The following RXRA variants were observed in gnomAD, a reference collection of about 807,000 sequenced individuals.
The protein encoded by RXRA is retinoid X receptor alpha.
RXRA carries 5 observed loss-of-function variants against 44.5 expected under a neutral mutation model. The observed-to-expected ratio is 0.11, with a 90% CI of 0.06 to 0.24. The LOEUF is 0.24. RXRA is among the 10% of genes least tolerant of loss of function. RXRA has a pLI of 1.00. For synonymous variants in RXRA, 291 were observed against 271.4 expected (o/e 1.07, Z -0.71); for missense variants, 412 against 646.5 (o/e 0.64, Z 3.93).
chr9:134,336,042 C>T (rs1829997290), intron 1 of RXRA, among the ~76,000 whole-genome samples: 1 of 152,124 alleles, frequency 6.6e-6, no homozygotes, highest in Non-Finnish European at 1.5e-5. Context: ...TGGAGCTGCC[C>T]CTACCCCACC....
At position 134,365,806 on chromosome 9, in the gene RXRA, C is replaced by A. The variant is rs540255218; in HGVS notation, c.29-35826C>A. Among the ~76,000 whole-genome samples the A allele has an allele frequency of 2.6e-5, 4 of 151,942 alleles. No homozygotes were observed. In the South Asian group the frequency reaches 8.3e-4, roughly 32 times the overall value. ...GGAAGGGAGGGCCAGCCCAGAAGGACCCTCCCATTACCCTCTGGTGGCTTG... is the reference window on the plus strand; with the variant it reads ...GGAAGGGAGGGCCAGCCCAGAAGGAACCTCCCATTACCCTCTGGTGGCTTG... On this transcript the variant is annotated intron_variant, in intron 1 of 9. Transcript: ENST00000481739. This position sits in a 1 kb window ranked among gnomAD's most constrained non-coding sequence, Gnocchi z 4.0.
At chr9:134,430,225 C>T (rs1027922400) in intron 7 of RXRA, among the ~76,000 whole-genome samples, 1 of 152,250 alleles carries the variant, frequency 6.6e-6, no homozygotes, top group Admixed American at 6.5e-5. Context: ...GAGAGCCACA[C>T]ACACCAGACT....
intron 6 of RXRA, chr9:134,423,777 G>A: frequency 2.0e-6 from 2 of 985,422 alleles, no homozygotes; most frequent in Non-Finnish European, 2.4e-6. Context: ...CAGAACCCTC[G>A]GTTCAGAGCC....
In RXRA at chr9:134,365,170, A is replaced by G. The variant is rs1318777202; in HGVS notation, c.29-36462A>G. 6.6e-6 allele frequency among the ~76,000 whole-genome samples: 1 copy of G among 152,196 alleles called. No individual in the cohort carries two copies. The highest frequency in any genetic ancestry group is 6.5e-5 in the Admixed American group (1 of 15,292). ...CGGCTGTTGCTGGAGGGCTGATGGC[A>G]CGCTGGGCCCGGGAAAGCCCCTCGT... On this transcript the variant is annotated intron_variant, in intron 1 of 9. Transcript: ENST00000481739. The surrounding 1 kb of genome is among the most constrained non-coding windows in gnomAD (Gnocchi z 4.0).
rs371527375 is a variant in RXRA, at chr9:134,417,107, A to T, written c.611-51A>T. The T allele has an allele frequency of 4.1e-5, 64 of 1,563,122 alleles. No individual in the cohort carries two copies. The highest frequency in any genetic ancestry group is 1.7e-4 in the Middle Eastern group (1 of 5,744). On this transcript the variant is annotated intron_variant, in intron 4 of 9. Transcript: ENST00000481739. This position sits in a 1 kb window ranked among gnomAD's most constrained non-coding sequence, Gnocchi z 6.1. ...CCCGGCCAGGACAGCCTTCCCTGGG[A>T]GCCACTGGCCGGGCTGAGCGTGGGG...
At position 134,354,067 on chromosome 9, in the gene RXRA, C is replaced by G. The variant is rs113996503; in HGVS notation, c.28+27408C>G. On this transcript the variant is annotated intron_variant, in intron 1 of 9. Coordinates refer to ENST00000481739, the MANE Select transcript of RXRA (RefSeq NM_002957.6). ...CTTCACTGTTGCCACCATAAAATAA[C>G]ACTTAGGTCCATGCCTGGGAAAGCC... Among the ~76,000 whole-genome samples the G allele has an allele frequency of 9.3e-3, 1,422 of 152,276 alleles. 23 individuals are homozygous for G. Among genetic ancestry groups the G allele is most frequent in the African/African-American group, 0.033 (1,357 of 41,542 alleles).
intron 1 of RXRA, among the ~76,000 whole-genome samples, chr9:134,359,782 CCT>C (rs34841964): frequency 0.062 from 9,431 of 152,240 alleles, 969 homozygotes; most frequent in African/African-American, 0.21. Flanking sequence ...AAGGATGTGG[CCT>C]GTCTGTCCTG....
intron 6 of RXRA, chr9:134,424,178 G>A (rs1215141212): frequency 2.0e-6 from 2 of 985,266 alleles, no homozygotes; most frequent in East Asian, 2.3e-4. Context: ...TCCCTCTTAG[G>A]TGGGCACCTG....
At chr9:134,359,037 G>T (rs1048356411) in intron 1 of RXRA, among the ~76,000 whole-genome samples, 11 of 152,214 alleles carry the variant, frequency 7.2e-5, no homozygotes, top group Non-Finnish European at 5.9e-5. Flanking sequence ...AACAGCTGCT[G>T]GGGGCTGCCG....
At chr9:134,333,017 C>T (rs1331485502) in intron 1 of RXRA, among the ~76,000 whole-genome samples, 9 of 152,222 alleles carry the variant, frequency 5.9e-5, no homozygotes, top group South Asian at 4.1e-4. Context: ...GCCCTGGCTC[C>T]GGCCCCCCCT....
chr9:134,411,108 G>C (rs962234827), intron 4 of RXRA, among the ~76,000 whole-genome samples: 1 of 152,188 alleles, frequency 6.6e-6, no homozygotes, highest in African/African-American at 2.4e-5. Flanking sequence ...AGCAGTGTCC[G>C]TGAAGTCTGA....
intron 1 of RXRA, chr9:134,379,912 G>A: frequency 1.0e-6 from 1 of 985,322 alleles, no homozygotes; most frequent in Non-Finnish European, 1.2e-6. Flanking sequence ...CTGGAGGCCT[G>A]CTGGTCTCTG....
rs894108179 is a variant in RXRA, at chr9:134,377,783, G to A, written c.29-23849G>A. On this transcript the variant is annotated intron_variant, in intron 1 of 9. Transcript: ENST00000481739. ...GTGCGTTTTGATCTGTCATACCCTC[G>A]TGCTCTGCAGACCAGCTTCTGTCCC... Among the ~76,000 whole-genome samples the A allele has an allele frequency of 2.6e-5, 4 of 152,122 alleles. No homozygotes were observed. In the South Asian group the frequency reaches 8.3e-4, roughly 32 times the overall value.
intron 4 of RXRA, among the ~76,000 whole-genome samples, chr9:134,411,917 C>T (rs555917551): frequency 5.3e-5 from 8 of 152,268 alleles, no homozygotes; most frequent in African/African-American, 1.2e-4. Context: ...TGGGCAGTAA[C>T]GGGGCCCCTG....
At chr9:134,414,128 CAT>C (rs1390588538) in intron 4 of RXRA, among the ~76,000 whole-genome samples, 2 of 152,250 alleles carry the variant, frequency 1.3e-5, no homozygotes, top group African/African-American at 4.8e-5. Context: ...ATAAAGCGAT[CAT>C]ATTTATAATG....
At chr9:134,401,572 A>G in intron 1 of RXRA, 60 bp from the exon 2 acceptor site, 1 of 1,603,874 alleles carries the variant, frequency 6.2e-7, no homozygotes, top group Non-Finnish European at 8.5e-7. Context: ...GGGAGCAGGC[A>G]TTTGGTGGGG....
At chr9:134,390,537 G>C (rs1171539279) in intron 1 of RXRA, among the ~76,000 whole-genome samples, 1 of 152,224 alleles carries the variant, frequency 6.6e-6, no homozygotes, top group Non-Finnish European at 1.5e-5. Flanking sequence ...GTCTCGCTCA[G>C]AGTGGTGATG....
At chr9:134,380,616 C>T (rs890605507) in intron 1 of RXRA, among the ~76,000 whole-genome samples, 1 of 152,044 alleles carries the variant, frequency 6.6e-6, no homozygotes, top group Non-Finnish European at 1.5e-5. Flanking sequence ...GGGGTCCCTG[C>T]TCTCTGTGGC....
chr9:134,377,464 C>T (rs555854509), intron 1 of RXRA, among the ~76,000 whole-genome samples: 5 of 152,304 alleles, frequency 3.3e-5, no homozygotes, highest in South Asian at 2.1e-4. Flanking sequence ...CTCAGCCCTG[C>T]GTGTGCTGGC....
Sources: gnomAD v4.1 joint callset for allele counts (sites outside exome capture counted in the v4.1 genomes callset) on GRCh38, gnomAD v4.1.1 for gene constraint, Gnocchi (gnomAD v3.1) non-coding constraint, MANE v1.5 for transcripts, NCBI Gene and HGNC (gene_info 2026-07-23, HGNC 2026-07-21) for gene names.